The following EHD3 variants were observed in gnomAD, a reference collection of about 807,000 sequenced individuals.
EHD3 encodes the protein EH domain-containing protein 3.
EHD3 carries 17 observed loss-of-function variants against 43.0 expected under a neutral mutation model. The observed-to-expected ratio is 0.40, with a 90% CI of 0.27 to 0.59. The LOEUF (loss-of-function observed/expected upper bound fraction) is 0.59. Among genes scored for constraint, EHD3 ranks in the 20% least tolerant of loss-of-function variants. The pLI is 0.49. For synonymous variants in EHD3, 313 were observed against 289.5 expected, an observed-to-expected ratio of 1.08 and a Z score of -0.82; for missense variants, 594 against 705.6, an observed-to-expected ratio of 0.84 and a Z score of 1.79.
At chr2:31,254,294 T>G (rs1011678899) in intron 3 of EHD3, among the ~76,000 whole-genome samples, 1 of 152,196 alleles carries the variant, frequency 6.6e-6, no homozygotes, top group Admixed American at 6.5e-5. Flanking sequence ...TTGGCAGGTC[T>G]GGGCTGATCC....
At chr2:31,246,915 G>A (rs1326417827) in intron 2 of EHD3, among the ~76,000 whole-genome samples, 1 of 130,824 alleles carries the variant, frequency 7.6e-6, no homozygotes, top group Non-Finnish European at 1.6e-5. Flanking sequence ...TTTTTTTTTT[G>A]AGACGAGGTC....
Position 31,266,254 on chromosome 2 carries a change from G to C in EHD3, c.1158G>C (p.Leu386=). 1 of 1,614,198 alleles carries C rather than the reference G, an allele frequency of 6.2e-7. No individual in the cohort carries two copies. ...TGCTGGAGGTAGTGGACGACATGCT[G>C]GCCCATGACATTGCCCAGCTCATGG... is the stretch of plus-strand genomic sequence containing the variant. The part of the protein sequence containing the change: ...SKLLEVVDDM[L]AHDIAQLMVL... Residue 386 remains leucine (L), a synonymous_variant, in exon 6 of 6, where the codon CTG becomes CTC. Coordinates refer to ENST00000322054, the MANE Select transcript of EHD3 (RefSeq NM_014600.3). The surrounding 1 kb of genome is among the most constrained non-coding windows in gnomAD (Gnocchi z 5.1).
At chr2:31,244,694 A>G (rs928644852) in intron 2 of EHD3, among the ~76,000 whole-genome samples, 1 of 152,210 alleles carries the variant, frequency 6.6e-6, no homozygotes, top group Non-Finnish European at 1.5e-5. Flanking sequence ...ACAATGACTC[A>G]GGTCACATTC....
Position 31,266,741 on chromosome 2 carries a change from G to A in EHD3, c.*37G>A. On this transcript the variant is annotated 3_prime_UTR_variant, in exon 6 of 6. Transcript: ENST00000322054. The surrounding 1 kb of genome is among the most constrained non-coding windows in gnomAD (Gnocchi z 5.1). ...GACATTCAGACGGGCAGTGTTAGAGGAGGAGATGGGAGCGGTGACTACACA... is the reference window on the plus strand; with the variant it reads ...GACATTCAGACGGGCAGTGTTAGAGAAGGAGATGGGAGCGGTGACTACACA... The A allele has an allele frequency of 6.4e-7, 1 of 1,550,444 alleles. No individual in the cohort carries two copies. Among genetic ancestry groups the A allele is most frequent in the Non-Finnish European group, 8.7e-7 (1 of 1,149,968 alleles).
In EHD3 at chr2:31,266,133, C is replaced by G. The variant is rs1355463559; in HGVS notation, c.1081-44C>G. On this transcript the variant is annotated intron_variant, in intron 5 of 5. Transcript: ENST00000322054. The surrounding 1 kb of genome is among the most constrained non-coding windows in gnomAD (Gnocchi z 5.1). ...GGCACGTGATAAATGGAGGGCTCTC[C>G]TTTCATCGTATCCTATCTTCATCCT... The G allele has an allele frequency of 1.3e-6, 2 of 1,561,420 alleles. No individual in the cohort carries two copies. The highest frequency in any genetic ancestry group is 1.7e-6 in the Non-Finnish European group (2 of 1,150,930).
At chr2:31,261,050 G>T in intron 4 of EHD3, 128 bp downstream of exon 4, 1 of 1,058,922 alleles carries the variant, frequency 9.4e-7, no homozygotes. Context: ...GGGCAGGACA[G>T]TGCGGGAGCC....
rs190116678 is a variant in EHD3 at position 31,241,861 on chromosome 2, A to C, written c.228-2413A>C. Among the ~76,000 whole-genome samples the C allele has an allele frequency of 1.6e-3, 249 of 152,348 alleles. 2 individuals are homozygous for C. Among genetic ancestry groups the C allele is most frequent in the Non-Finnish European group, 2.2e-3 (147 of 68,032 alleles). On this transcript the variant is annotated intron_variant, in intron 1 of 5. Transcript: ENST00000322054. The stretch of plus-strand genomic sequence containing the variant: ...AGTGCTAGCCAAGGGTGCAGCTGTT[A>C]GGATTCACTCTCATCACAACCTCGG...
chr2:31,234,209 C>A lies in EHD3; in HGVS notation c.-413C>A, dbSNP rs1341236376. The stretch of plus-strand genomic sequence containing the variant: ...GGCAGCGTCGCCGTCTCCCCTGAGC[C>A]GCCTCGGTCCGGCAGGAGCGGAGCC... On this transcript the variant is annotated 5_prime_UTR_variant, in exon 1 of 6. Coordinates refer to ENST00000322054, the MANE Select transcript of EHD3 (RefSeq NM_014600.3). 2 of 249,992 alleles carry A rather than the reference C, an allele frequency of 8.0e-6. No individual in the cohort carries two copies. Among genetic ancestry groups the A allele is most frequent in the Non-Finnish European group, 7.8e-6 (1 of 127,752 alleles). The allele number at this position is 249,992 out of a possible 1,614,324, so 15.5% of individuals were successfully genotyped here. A position where few individuals can be genotyped will look rare whatever the true frequency, so the allele number is the denominator to read the frequency against.
Position 31,266,024 on chromosome 2 carries a change from G to T in EHD3, c.1081-153G>T, listed in dbSNP as rs548425776. On this transcript the variant is annotated intron_variant, in intron 5 of 5. Coordinates refer to ENST00000322054, the MANE Select transcript of EHD3 (RefSeq NM_014600.3). This position sits in a 1 kb window ranked among gnomAD's most constrained non-coding sequence, Gnocchi z 5.1. ...CCTCTCTCATACCTTCGATTACCACGTGATGTCCATCAGCTGAGCCTCTAG... is the reference window on the plus strand; with the variant it reads ...CCTCTCTCATACCTTCGATTACCACTTGATGTCCATCAGCTGAGCCTCTAG... Among the ~76,000 whole-genome samples, 2 of 152,032 alleles carry T rather than the reference G, an allele frequency of 1.3e-5. No homozygotes were observed. Among genetic ancestry groups the T allele is most frequent in the African/African-American group, 4.8e-5 (2 of 41,376 alleles).
chr2:31,264,789 T>G (rs1683915157), intron 5 of EHD3, among the ~76,000 whole-genome samples: 1 of 152,074 alleles, frequency 6.6e-6, no homozygotes, highest in East Asian at 1.9e-4. Context: ...TGCCTCAGCC[T>G]CCCAAAGTGC....
chr2:31,260,934 C>A lies in EHD3; in HGVS notation c.915+12C>A. 6.3e-7 allele frequency: 1 copy of A among 1,580,828 alleles called. No homozygotes were observed. The highest frequency in any genetic ancestry group is 8.6e-7 in the Non-Finnish European group (1 of 1,164,560). ...CCAGGCTGGCCAAGGTGAGGCAGCC[C>A]CCTGGGAGGTGGGCAGCTTGGGCAG... On this transcript the variant is annotated intron_variant, in intron 4 of 5. Transcript: ENST00000322054. This position sits in a 1 kb window ranked among gnomAD's most constrained non-coding sequence, Gnocchi z 4.6.
chr2:31,266,927 C>T lies in EHD3; in HGVS notation c.*223C>T. The stretch of plus-strand genomic sequence containing the variant: ...CGGGATTAGAAGGACAAGAGCACTC[C>T]CAGGCCCCAGAGTCTAAGCCTAAGT... On this transcript the variant is annotated 3_prime_UTR_variant, in exon 6 of 6. Coordinates refer to ENST00000322054, the MANE Select transcript of EHD3 (RefSeq NM_014600.3). The surrounding 1 kb of genome is among the most constrained non-coding windows in gnomAD (Gnocchi z 5.1). The T allele has an allele frequency of 1.7e-6, 1 of 577,010 alleles. No homozygotes were observed. Among genetic ancestry groups the T allele is most frequent in the Non-Finnish European group, 3.0e-6 (1 of 333,386 alleles). The allele number at this position is 577,010 out of a possible 1,614,324, so 35.7% of individuals were successfully genotyped here.
intron 2 of EHD3, among the ~76,000 whole-genome samples, chr2:31,248,734 G>A (rs1683576691): frequency 6.6e-6 from 1 of 152,172 alleles, no homozygotes; most frequent in Non-Finnish European, 1.5e-5. Context: ...CTTGCACAGA[G>A]TAGGGCCTCA....
chr2:31,262,805 C>T (rs980002261), intron 5 of EHD3, among the ~76,000 whole-genome samples: 5 of 152,196 alleles, frequency 3.3e-5, no homozygotes, highest in African/African-American at 7.2e-5. Context: ...ATCCCAGCTA[C>T]TCGGGAGGCT....
rs151262508 is a variant in EHD3 at position 31,239,457 on chromosome 2, G to A, written c.227+4609G>A. On this transcript the variant is annotated intron_variant, in intron 1 of 5. Coordinates refer to ENST00000322054, the MANE Select transcript of EHD3 (RefSeq NM_014600.3). The stretch of plus-strand genomic sequence containing the variant: ...CAGAGGAACTGTGTCCGCGTGCCTC[G>A]GCCTGGCTTAGGGGCTGCCTTGAAA... 5.3e-4 allele frequency among the ~76,000 whole-genome samples: 80 copies of A among 152,300 alleles called. 1 individual carries two copies. In the East Asian group the frequency reaches 0.014, roughly 27 times the overall value.
At chr2:31,244,566 A>G in intron 2 of EHD3, 116 bp downstream of exon 2, 2 of 1,117,714 alleles carry the variant, frequency 1.8e-6, no homozygotes, top group Non-Finnish European at 1.3e-6. Flanking sequence ...TCTCCTGTCA[A>G]TCTTTCCATA....
intron 2 of EHD3, among the ~76,000 whole-genome samples, chr2:31,248,779 G>T (rs1002619828): frequency 6.6e-6 from 1 of 152,106 alleles, no homozygotes; most frequent in East Asian, 1.9e-4. Context: ...TACAAATGAG[G>T]ACATAAACAG....
chr2:31,249,477 C>A lies in EHD3; in HGVS notation c.502+9C>A, dbSNP rs76046038. On this transcript the variant is annotated intron_variant, in intron 3 of 5. Coordinates refer to ENST00000322054, the MANE Select transcript of EHD3 (RefSeq NM_014600.3). ...GCAGAGGATCAGCCGGGGTAAGCAA[C>A]CTGCCTGAGGGGTGTTGGCTGTGGG... is the stretch of plus-strand genomic sequence containing the variant. The A allele has an allele frequency of 6.2e-7, 1 of 1,613,694 alleles. No individual in the cohort carries two copies.
At chr2:31,243,420 T>TTTTCTTTCTTTCTTTCTTTC (rs751332290) in intron 1 of EHD3, among the ~76,000 whole-genome samples, 1 of 135,478 alleles carries the variant, frequency 7.4e-6, no homozygotes, top group African/African-American at 3.1e-5. Context: ...GGAGATTCAT[T>TTTTCTTTCTTTCTTTCTTTC]TTTCTTTCTT....
Sources: gnomAD v4.1 joint callset for allele counts (sites outside exome capture counted in the v4.1 genomes callset) on GRCh38, gnomAD v4.1.1 for gene constraint, Gnocchi (gnomAD v3.1) non-coding constraint, MANE v1.5 for transcripts, NCBI Gene and HGNC (gene_info 2026-07-23, HGNC 2026-07-21) for gene names.